CHN2: variants seen among roughly 807,000 people sequenced by gnomAD.
The protein encoded by CHN2 is beta-chimaerin.
Under a neutral mutation model 56.3 loss-of-function variants are expected in CHN2, and 35 were observed. The observed-to-expected ratio is 0.62, with a 90% CI of 0.47 to 0.82. CHN2 has a LOEUF of 0.82. CHN2 is among the 40% of genes least tolerant of loss of function. CHN2 has a pLI of 0.00. For synonymous variants in CHN2, 210 were observed against 212.8 expected, an observed-to-expected ratio of 0.99 and a Z score of 0.12; for missense variants, 491 against 580.5, an observed-to-expected ratio of 0.85 and a Z score of 1.58.
chr7:29,374,021 C>A (rs566836491), intron 3 of CHN2, among the ~76,000 whole-genome samples: 1 of 152,186 alleles, frequency 6.6e-6, no homozygotes, highest in Non-Finnish European at 1.5e-5. Flanking sequence ...ATTCTACAAG[C>A]CACAAACAAA....
rs139956661 is a variant in CHN2, at chr7:29,312,949, T to C, written c.50-41676T>C. 3.5e-3 allele frequency among the ~76,000 whole-genome samples: 531 copies of C among 152,288 alleles called. 4 individuals are homozygous for C. Among genetic ancestry groups the C allele is most frequent in the African/African-American group, 0.012 (511 of 41,562 alleles). On this transcript the variant is annotated intron_variant, in intron 1 of 12. Coordinates refer to ENST00000222792, the MANE Select transcript of CHN2 (RefSeq NM_004067.4). ...AAGCACTCTTTCCTTAGACCCTACA[T>C]TGAATTCTGATGGCTATGGTGTGAC...
intron 1 of CHN2, among the ~76,000 whole-genome samples, chr7:29,211,825 G>C (rs1210778068): frequency 6.6e-6 from 1 of 151,272 alleles, no homozygotes; most frequent in East Asian, 2.0e-4. Flanking sequence ...CTATTTTATT[G>C]AATGATCATT....
intron 12 of CHN2, among the ~76,000 whole-genome samples, chr7:29,511,151 C>T (rs546516595): frequency 6.7e-4 from 6 of 9,008 alleles, no homozygotes; most frequent in South Asian, 2.2e-3. Context: ...AAGAAGCAAA[C>T]GGAGGACTGT....
At chr7:29,356,034 CG>C (rs1186146205) in intron 2 of CHN2, among the ~76,000 whole-genome samples, 2 of 151,966 alleles carry the variant, frequency 1.3e-5, no homozygotes, top group Non-Finnish European at 2.9e-5. Context: ...CCACTAACCT[CG>C]GCCTCCGAAA....
rs527921990 is a variant in CHN2 at position 29,431,143 on chromosome 7, T to G, written c.576+30315T>G. ...ATATGATCAAAGTGCAACTGTCCAATTAAAACGCTTACATTTAGGGAAGTT... is the reference window on the plus strand; with the variant it reads ...ATATGATCAAAGTGCAACTGTCCAAGTAAAACGCTTACATTTAGGGAAGTT... On this transcript the variant is annotated intron_variant, in intron 6 of 12. Coordinates refer to ENST00000222792, the MANE Select transcript of CHN2 (RefSeq NM_004067.4). 3.3e-5 allele frequency among the ~76,000 whole-genome samples: 5 copies of G among 152,276 alleles called. No homozygotes were observed. The South Asian group carries it at 1.0e-3, about 32-fold the overall frequency.
intron 1 of CHN2, among the ~76,000 whole-genome samples, chr7:29,351,081 G>C (rs35912541): frequency 0.23 from 33,574 of 144,342 alleles, 4,383 homozygotes; most frequent in Non-Finnish European, 0.3. Flanking sequence ...GCACTCTAGC[G>C]TGGGCAACGG....
At chr7:29,249,228 C>T (rs1389833067) in intron 1 of CHN2, among the ~76,000 whole-genome samples, 2 of 152,096 alleles carry the variant, frequency 1.3e-5, no homozygotes, top group Admixed American at 1.3e-4. Context: ...CCAGGGATGC[C>T]GATGGCATAA....
intron 1 of CHN2, among the ~76,000 whole-genome samples, chr7:29,284,762 A>G (rs967762976): frequency 9.2e-5 from 14 of 152,188 alleles, no homozygotes; most frequent in African/African-American, 3.4e-4. Flanking sequence ...ACCCACAGCA[A>G]CTGTGAGCTA....
chr7:29,207,414 C>T (rs1055402078), intron 1 of CHN2, among the ~76,000 whole-genome samples: 1 of 152,122 alleles, frequency 6.6e-6, no homozygotes, highest in African/African-American at 2.4e-5. Flanking sequence ...CTGGTTAGTT[C>T]AGCCTCCACT....
intron 4 of CHN2, chr7:29,397,431 C>G (rs1801844248): frequency 6.6e-6 from 1 of 152,072 alleles, no homozygotes; most frequent in Admixed American, 6.5e-5. Flanking sequence ...ATTTATTATC[C>G]AAAGTTCTCC....
chr7:29,312,850 C>T (rs1023248526), intron 1 of CHN2, among the ~76,000 whole-genome samples: 2 of 151,888 alleles, frequency 1.3e-5, no homozygotes, highest in African/African-American at 4.8e-5. Flanking sequence ...TGCAAAATAC[C>T]AGCTTAAAAT....
At chr7:29,279,146 A>G (rs1406281037) in intron 1 of CHN2, among the ~76,000 whole-genome samples, 1 of 152,254 alleles carries the variant, frequency 6.6e-6, no homozygotes, top group Non-Finnish European at 1.5e-5. Context: ...TTAATGCAGT[A>G]TTCCCAAAAC....
intron 2 of CHN2, among the ~76,000 whole-genome samples, chr7:29,154,410 T>C (rs1695913387): frequency 6.6e-6 from 1 of 152,218 alleles, no homozygotes; most frequent in South Asian, 2.1e-4. Context: ...CCTGTAGATT[T>C]TGGATGTTCC....
At chr7:29,194,708 A>C, upstream of CHN2, 1 of 409,986 alleles carries the variant, frequency 2.4e-6, no homozygotes, top group South Asian at 7.3e-5. Context: ...ACCCATAGAA[A>C]AGCGTGCAAA....
intron 2 of CHN2, among the ~76,000 whole-genome samples, chr7:29,180,908 C>T (rs34830418): frequency 0.12 from 18,052 of 152,118 alleles, 1,257 homozygotes; most frequent in African/African-American, 0.18. Flanking sequence ...GAAAAGAGTA[C>T]GTAAGATCAT....
intron 12 of CHN2, among the ~76,000 whole-genome samples, chr7:29,510,337 G>T (rs2128598794): frequency 6.6e-6 from 1 of 152,276 alleles, no homozygotes; most frequent in South Asian, 2.1e-4. Flanking sequence ...TACTTGGGAG[G>T]CTGAGACAGG....
At chr7:29,502,162 G>A (rs976684681) in intron 9 of CHN2, among the ~76,000 whole-genome samples, 5 of 152,180 alleles carry the variant, frequency 3.3e-5, no homozygotes, top group African/African-American at 1.2e-4. Context: ...ACATCTCAGT[G>A]CTGTCACAGA....
At chr7:29,312,672 G>C (rs1382573102) in intron 1 of CHN2, among the ~76,000 whole-genome samples, 7 of 152,080 alleles carry the variant, frequency 4.6e-5, no homozygotes, top group Non-Finnish European at 8.8e-5. Flanking sequence ...CGTAGAGAGA[G>C]TGGAGCTCTG....
chr7:29,211,457 C>T (rs1218209201), intron 1 of CHN2, among the ~76,000 whole-genome samples: 1 of 134,402 alleles, frequency 7.4e-6, no homozygotes, highest in Non-Finnish European at 1.5e-5. Flanking sequence ...TTGGCACACA[C>T]ACACACACAC....
Sources: allele counts gnomAD v4.1 joint callset (sites outside exome capture counted in the v4.1 genomes callset), GRCh38; gene constraint gnomAD v4.1.1; transcripts MANE v1.5; gene names NCBI Gene and HGNC (gene_info 2026-07-23, HGNC 2026-07-21).